Variants in REV3L observed in about 807,000 individuals in gnomAD.
REV3L encodes DNA polymerase zeta catalytic subunit.
REV3L carries 69 observed loss-of-function variants against 299.4 expected under a neutral mutation model. The ratio of observed to expected loss-of-function variants is 0.23; its 90% CI spans 0.19 to 0.28. The LOEUF is 0.28. Among genes scored for constraint, REV3L ranks in the 10% least tolerant of loss-of-function variants. The pLI, the probability that REV3L is intolerant of heterozygous loss-of-function variation, is 1.00. For synonymous variants in REV3L, 1,238 were observed against 1,271.4 expected, an observed-to-expected ratio of 0.97 and a Z score of 0.56; for missense variants, 3,128 against 3,693.8, an observed-to-expected ratio of 0.85 and a Z score of 3.97.
At chr6:111,317,064 T>A (rs1773614486) in intron 26 of REV3L, among the ~76,000 whole-genome samples, 1 of 152,206 alleles carries the variant, frequency 6.6e-6, no homozygotes, top group Admixed American at 6.5e-5. Context: ...TCATCTTCAC[T>A]TATATTTCTA....
intron 13 of REV3L, among the ~76,000 whole-genome samples, chr6:111,369,318 G>A (rs1009113856): frequency 1.0e-4 from 15 of 150,538 alleles, no homozygotes; most frequent in African/African-American, 2.9e-4. Flanking sequence ...GTGAGGTGTG[G>A]TGAATTCAGT....
At chr6:111,344,361 G>GAAA (rs1290950529) in intron 20 of REV3L, among the ~76,000 whole-genome samples, 2 of 136,758 alleles carry the variant, frequency 1.5e-5, no homozygotes, top group African/African-American at 2.5e-5. Context: ...ATTGACAGAA[G>GAAA]CATTGTCAAG....
At chr6:111,377,585 C>T in intron 12 of REV3L, 116 bp downstream of exon 12, 2 of 1,025,954 alleles carry the variant, frequency 1.9e-6, no homozygotes, top group Non-Finnish European at 2.8e-6. Context: ...GATCCTCTCA[C>T]CTTGGACTCC....
intron 1 of REV3L, among the ~76,000 whole-genome samples, chr6:111,461,425 A>T (rs925451948): frequency 8.5e-5 from 13 of 152,264 alleles, no homozygotes; most frequent in African/African-American, 2.6e-4. Flanking sequence ...TAAGAGAGTA[A>T]AAAAGTTTAA....
At chr6:111,442,549 T>C (rs963935548) in intron 1 of REV3L, among the ~76,000 whole-genome samples, 3 of 152,362 alleles carry the variant, frequency 2.0e-5, no homozygotes, top group South Asian at 4.1e-4. Context: ...TCTTATGAGC[T>C]GCATATGGTA....
upstream of REV3L, chr6:111,483,385 G>A (rs886455415): frequency 4.3e-6 from 2 of 464,768 alleles, no homozygotes; most frequent in Admixed American, 4.5e-5. Flanking sequence ...CCCCGGGCAC[G>A]CGGCGAGGGA....
At chr6:111,312,881 T>G (rs1773130194) in intron 28 of REV3L, 1 of 152,472 alleles carries the variant, frequency 6.6e-6, no homozygotes, top group African/African-American at 2.4e-5. Context: ...TATCCTGCTC[T>G]GCTTTCAGGA....
chr6:111,446,428 G>T (rs928211889), intron 1 of REV3L, among the ~76,000 whole-genome samples: 2 of 152,078 alleles, frequency 1.3e-5, no homozygotes, highest in Non-Finnish European at 2.9e-5. Flanking sequence ...AGCTGGGCAC[G>T]GTGGCTGGCT....
At chr6:111,413,573 A>C (rs1242759523) in intron 2 of REV3L, among the ~76,000 whole-genome samples, 1 of 152,102 alleles carries the variant, frequency 6.6e-6, no homozygotes, top group African/African-American at 2.4e-5. Context: ...ACCTCATGTA[A>C]ATGTTAATTT....
chr6:111,465,237 C>T (rs1013119079), intron 1 of REV3L, among the ~76,000 whole-genome samples: 9 of 150,898 alleles, frequency 6.0e-5, no homozygotes, highest in Admixed American at 4.0e-4. Flanking sequence ...TGCACCATCA[C>T]GCCCAGCTAA....
intron 1 of REV3L, chr6:111,430,306 G>A: frequency 9.1e-7 from 1 of 1,094,110 alleles, no homozygotes; most frequent in Non-Finnish European, 1.4e-6. Context: ...TTCATTTCCT[G>A]TGACTGATTT....
chr6:111,462,034 C>T (rs1312300790), intron 1 of REV3L, among the ~76,000 whole-genome samples: 1 of 151,982 alleles, frequency 6.6e-6, no homozygotes, highest in East Asian at 1.9e-4. Flanking sequence ...TATAAGAAAC[C>T]CATATTAAGT....
intron 1 of REV3L, chr6:111,431,309 G>A: frequency 8.2e-7 from 1 of 1,216,120 alleles, no homozygotes. Flanking sequence ...ACCTGACACA[G>A]CAAAAGAAAT....
At chr6:111,425,024 A>G (rs1379369492) in intron 1 of REV3L, among the ~76,000 whole-genome samples, 1 of 152,138 alleles carries the variant, frequency 6.6e-6, no homozygotes, top group East Asian at 1.9e-4. Context: ...ATCTAAGAAG[A>G]CTAATATTTT....
intron 24 of REV3L, chr6:111,330,350 T>A: frequency 2.2e-6 from 1 of 445,476 alleles, no homozygotes; most frequent in Non-Finnish European, 4.6e-6. Flanking sequence ...ATAAAATTTG[T>A]TGATGCCAAA....
chr6:111,377,606 G>A lies in REV3L; in HGVS notation c.1597+95C>T, dbSNP rs921970436. ...CTCACCTTGGACTCCCAGAATGCTG[G>A]GATTACAGGTGTGAGCCAGAGCGCC... On this transcript the variant is annotated intron_variant, in intron 12 of 31. Coordinates refer to ENST00000368802, the MANE Select transcript of REV3L (RefSeq NM_001372078.1). The A allele has an allele frequency of 2.1e-5, 25 of 1,217,868 alleles. No homozygotes were observed. The East Asian group carries it at 6.0e-4, about 29-fold the overall frequency. The allele number at this position is 1,217,868 out of a possible 1,614,324, so 75.4% of individuals were successfully genotyped here.
rs141919143 is a variant in REV3L, at chr6:111,373,190, G to A, written c.5165C>T (p.Thr1722Ile). The change falls in exon 13 of 32, where the codon ACT becomes ATT. Residue 1722 changes from threonine to isoleucine, a missense_variant. Around this residue, in one of 9 missense-constraint regions of REV3L, gnomAD observed 2,409 missense variants for 2,611.8 expected, o/e 0.92. Transcript: ENST00000368802. ...CTTCTCAAAAATTTCAGGACTTAAA[G>A]TACCAGATCTAATCCATGAGGCTGA... ...TDSASWIRSG[T>I]LSPEIFEKST... 1.2e-6 allele frequency: 2 copies of A among 1,613,956 alleles called. No homozygotes were observed. Among genetic ancestry groups the A allele is most frequent in the Non-Finnish European group, 1.7e-6 (2 of 1,179,988 alleles).
chr6:111,372,605 T>G lies in REV3L; in HGVS notation c.5750A>C (p.Glu1917Ala), dbSNP rs1779908382. Residue 1917 changes from glutamate to alanine, a missense_variant, in exon 13 of 32, where the codon GAA (glutamate) becomes GCA (alanine). Transcript: ENST00000368802. ...PFCSNPSDVP[E>A]KPREIGGRLL... ...AAAAATAACTGATTACCTGGGCTTTTCTGGTACATCAGAAGGATTACTGCA... is the reference window on the plus strand; with the variant it reads ...AAAAATAACTGATTACCTGGGCTTTGCTGGTACATCAGAAGGATTACTGCA... 1 of 1,481,498 alleles carries G rather than the reference T, an allele frequency of 6.7e-7. No individual in the cohort carries two copies. Among genetic ancestry groups the G allele is most frequent in the African/African-American group, 1.4e-5 (1 of 70,966 alleles). The allele number at this position is 1,481,498 out of a possible 1,614,324, so 91.8% of individuals were successfully genotyped here.
At position 111,422,583 on chromosome 6, in the gene REV3L, TATATATATATACAC is replaced by T. The variant is rs1562286444; in HGVS notation, c.140-6125_140-6112del. On this transcript the variant is annotated intron_variant, in intron 1 of 31. Transcript: ENST00000368802. ...ATTCTTTTATATATATATACACATA[TATATATATATACAC>T]ATATATATATATATACACATATATA... Among the ~76,000 whole-genome samples, 74 of 42,952 alleles carry T rather than the reference TATATATATATACAC, an allele frequency of 1.7e-3. 6 individuals are homozygous for T. Among genetic ancestry groups the T allele is most frequent in the African/African-American group, 2.4e-3 (38 of 15,788 alleles). 28.2% of individuals were successfully genotyped at this position (42,952 alleles called of 152,430 possible).
Sources: allele counts gnomAD v4.1 joint callset (sites outside exome capture counted in the v4.1 genomes callset), GRCh38; gene constraint gnomAD v4.1.1; regional missense constraint gnomAD v4.1.1; transcripts MANE v1.5; gene names NCBI Gene and HGNC (gene_info 2026-07-23, HGNC 2026-07-21).